The following CARD14 variants were observed in gnomAD, a reference collection of about 807,000 sequenced individuals.
CARD14 encodes caspase recruitment domain-containing protein 14.
Under a neutral mutation model 111.5 loss-of-function variants are expected in CARD14, and 107 were observed. The ratio of observed to expected loss-of-function variants is 0.96; its 90% CI spans 0.82 to 1.13. The LOEUF (loss-of-function observed/expected upper bound fraction) is 1.13, where lower values mean the gene tolerates loss of function less well. Among genes scored for constraint, CARD14 ranks in the 50% most tolerant of loss-of-function variants. CARD14 has a pLI of 0.00. For synonymous variants in CARD14, 617 were observed against 579.6 expected (o/e 1.06, Z -0.93); for missense variants, 1,322 against 1,362.3 (o/e 0.97, Z 0.47).
At chr17:80,178,253 G>A (rs866281801) in intron 2 of CARD14, among the ~76,000 whole-genome samples, 17 of 152,244 alleles carry the variant, frequency 1.1e-4, no homozygotes, top group Non-Finnish European at 1.9e-4. Context: ...TAACTACTGC[G>A]CCTGTCAACT....
In CARD14 at chr17:80,182,057, G is replaced by A. The variant is rs2144155565; in HGVS notation, c.211+408G>A. 6.6e-6 allele frequency among the ~76,000 whole-genome samples: 1 copy of A among 152,356 alleles called. No homozygotes were observed. On this transcript the variant is annotated intron_variant, in intron 5 of 23. Coordinates refer to ENST00000648509, the MANE Select transcript of CARD14 (RefSeq NM_001366385.1). The surrounding 1 kb of genome is among the most constrained non-coding windows in gnomAD (Gnocchi z 4.7). The stretch of plus-strand genomic sequence containing the variant: ...ATAAAACACTCACTGCAAAGCTGGG[G>A]CCATAGAAAACAGGCAGTAGGTGGT...
At chr17:80,202,536 C>T (rs1657148194) in intron 18 of CARD14, 116 bp downstream of exon 18, 2 of 1,481,696 alleles carry the variant, frequency 1.3e-6, no homozygotes, top group African/African-American at 2.8e-5. Context: ...TGGTGAGACC[C>T]CCCTAAGGAG....
At chr17:80,204,152 T>C in intron 19 of CARD14, 75 bp from the exon 20 acceptor site, 1 of 1,432,074 alleles carries the variant, frequency 7.0e-7, no homozygotes, top group African/African-American at 1.4e-5. Flanking sequence ...CTAGTGCCAA[T>C]CATCTCCCCT....
At chr17:80,183,126 C>A (rs888492549) in intron 6 of CARD14, among the ~76,000 whole-genome samples, 1 of 152,216 alleles carries the variant, frequency 6.6e-6, no homozygotes, top group Non-Finnish European at 1.5e-5. Context: ...TTTAACCTTG[C>A]GGCTTTGCTG....
In CARD14 at chr17:80,198,660, C is replaced by A; in HGVS notation, c.1851+69C>A. The A allele has an allele frequency of 6.2e-7, 1 of 1,608,126 alleles. No homozygotes were observed. The highest frequency in any genetic ancestry group is 8.5e-7 in the Non-Finnish European group (1 of 1,179,442). On this transcript the variant is annotated intron_variant, in intron 16 of 23. Coordinates refer to ENST00000648509, the MANE Select transcript of CARD14 (RefSeq NM_001366385.1). The surrounding 1 kb of genome is among the most constrained non-coding windows in gnomAD (Gnocchi z 7.5). ...GGACAGTGGCAGCGGGTGGGGTGAC[C>A]CAGGCAGACTTCACCTCCCCCAGAC... is the stretch of plus-strand genomic sequence containing the variant.
Position 80,198,761 on chromosome 17 carries a change from G to C in CARD14, c.1851+170G>C, listed in dbSNP as rs372890711. On this transcript the variant is annotated intron_variant, in intron 16 of 23. Transcript: ENST00000648509. The surrounding 1 kb of genome is among the most constrained non-coding windows in gnomAD (Gnocchi z 7.5). ...AAGCGTTCTGCTCATTTATAGATGAGAGTCGTGCCGTGCAGAACCCAGCAT... is the reference window on the plus strand; with the variant it reads ...AAGCGTTCTGCTCATTTATAGATGACAGTCGTGCCGTGCAGAACCCAGCAT... 8 of 1,520,996 alleles carry C rather than the reference G, an allele frequency of 5.3e-6. No homozygotes were observed. Among genetic ancestry groups the C allele is most frequent in the Non-Finnish European group, 7.0e-6 (8 of 1,137,528 alleles). The allele number at this position is 1,520,996 out of a possible 1,614,324, so 94.2% of individuals were successfully genotyped here.
intron 11 of CARD14, 40 bp from the exon 12 acceptor site, chr17:80,192,463 T>C (rs781292211): frequency 1.4e-5 from 22 of 1,544,620 alleles, no homozygotes; most frequent in Non-Finnish European, 1.9e-5. Flanking sequence ...AAGCGGAACC[T>C]TTCCCGAATT....
rs62074416 is a variant in CARD14 at position 80,207,208 on chromosome 17, C to T, written c.2807+123C>T. On this transcript the variant is annotated intron_variant, in intron 23 of 23. Coordinates refer to ENST00000648509, the MANE Select transcript of CARD14 (RefSeq NM_001366385.1). ...CAGGAAGCTGAGGCGCTGACAGGGC[C>T]GTTTCCGCACAACTTTGGGACAAGG... 0.069 allele frequency: 43,445 copies of T among 626,828 alleles called. 1,824 individuals are homozygous for T. The highest frequency in any genetic ancestry group is 0.089 in the Non-Finnish European group (32,537 of 367,036). The allele number at this position is 626,828 out of a possible 1,614,324, so 38.8% of individuals were successfully genotyped here. A position where few individuals can be genotyped will look rare whatever the true frequency, so the allele number is the denominator to read the frequency against.
intron 6 of CARD14, 129 bp from the exon 7 acceptor site, chr17:80,183,784 A>C (rs1292612478): frequency 6.1e-6 from 4 of 652,398 alleles, no homozygotes; most frequent in South Asian, 2.3e-5. Context: ...ACCCGCCCAC[A>C]TGCTCACCCG....
chr17:80,176,954 G>A (rs191010825), intron 2 of CARD14, among the ~76,000 whole-genome samples: 220 of 152,282 alleles, frequency 1.4e-3, no homozygotes, highest in Non-Finnish European at 2.5e-3. Context: ...CCCTGTGCAC[G>A]CTCCCTCTGG....
intron 17 of CARD14, 135 bp downstream of exon 17, chr17:80,202,005 A>G: frequency 7.6e-7 from 1 of 1,323,736 alleles, no homozygotes. Context: ...GCTGTGCCCC[A>G]GGTCCCCAGG....
At position 80,195,783 on chromosome 17, in the gene CARD14, C is replaced by A; in HGVS notation, c.1594+131C>A. On this transcript the variant is annotated intron_variant, in intron 14 of 23. Coordinates refer to ENST00000648509, the MANE Select transcript of CARD14 (RefSeq NM_001366385.1). This position sits in a 1 kb window ranked among gnomAD's most constrained non-coding sequence, Gnocchi z 4.7. ...AGCAGAGCTCAACTTCTGCCCTGGG[C>A]CTTGACCTTGGCCTCGACCTTGCAC... 1.3e-6 allele frequency: 1 copy of A among 770,850 alleles called. No homozygotes were observed. Among genetic ancestry groups the A allele is most frequent in the Non-Finnish European group, 2.1e-6 (1 of 483,640 alleles). 47.8% of individuals were successfully genotyped at this position (770,850 alleles called of 1,614,324 possible). A position where few individuals can be genotyped will look rare whatever the true frequency, so the allele number is the denominator to read the frequency against.
intron 23 of CARD14, 130 bp downstream of exon 23, chr17:80,207,215 G>A (rs756605626): frequency 1.6e-5 from 10 of 618,904 alleles, no homozygotes; most frequent in Admixed American, 6.0e-5. Context: ...GGCCGTTTCC[G>A]CACAACTTTG....
chr17:80,200,948 A>T (rs1387184574), intron 16 of CARD14: 1 of 152,426 alleles, frequency 6.6e-6, no homozygotes, highest in East Asian at 1.9e-4. Context: ...GGTGGAGCTG[A>T]GGCCGTAATG....
At chr17:80,175,952 GTTTTTTTTTTTTTTTTTTTTTTTT>G (rs531556673) in intron 2 of CARD14, among the ~76,000 whole-genome samples, 3 of 53,550 alleles carry the variant, frequency 5.6e-5, no homozygotes, top group Admixed American at 3.0e-4. Context: ...CTCTCGGATC[GTTTTTTTTTTTTTTTTTTTTTTTT>G]TTTTTTTTTT....
At chr17:80,183,502 A>C (rs2040237912) in intron 6 of CARD14, among the ~76,000 whole-genome samples, 1 of 152,212 alleles carries the variant, frequency 6.6e-6, no homozygotes, top group East Asian at 1.9e-4. Context: ...AGGGTCATTA[A>C]GTCTGAACAG....
intron 12 of CARD14, 115 bp downstream of exon 12, chr17:80,192,734 T>C: frequency 1.5e-6 from 1 of 679,764 alleles, no homozygotes; most frequent in South Asian, 2.0e-5. Flanking sequence ...GGGAAGAGGT[T>C]GGTACGATTG....
chr17:80,192,746 G>C, intron 12 of CARD14, 127 bp downstream of exon 12: 1 of 630,002 alleles, frequency 1.6e-6, no homozygotes, highest in Non-Finnish European at 2.8e-6. Context: ...GTACGATTGT[G>C]AGAGTTTTAT....
chr17:80,172,423 A>T (rs577846722), intron 1 of CARD14, among the ~76,000 whole-genome samples: 1 of 152,316 alleles, frequency 6.6e-6, no homozygotes, highest in African/African-American at 2.4e-5. Context: ...TTCCTGACTG[A>T]TGCATCCTAG....
Sources: allele counts gnomAD v4.1 joint callset (sites outside exome capture counted in the v4.1 genomes callset), GRCh38; gene constraint gnomAD v4.1.1; non-coding constraint Gnocchi (gnomAD v3.1); transcripts MANE v1.5; gene names NCBI Gene and HGNC (gene_info 2026-07-23, HGNC 2026-07-21).